Variants in TASP1 observed in about 807,000 individuals in gnomAD.
TASP1 encodes taspase 1, also known as threonine aspartase 1.
TASP1 carries 16 observed loss-of-function variants against 56.6 expected under a neutral mutation model. That is an observed-to-expected ratio of 0.28 (90% CI 0.19 to 0.43). The LOEUF is 0.43. Ranked by LOEUF, TASP1 falls within the 20% of genes least tolerant of loss-of-function variation. TASP1 has a pLI of 1.00. For missense variants in TASP1, 393 were observed against 511.6 expected (o/e 0.77, Z 2.24); for synonymous variants, 179 against 184.2 (o/e 0.97, Z 0.23).
At chr20:13,226,603 A>G in the TASP1 span, among the ~76,000 whole-genome samples, 1 of 152,168 alleles carries the variant, frequency 6.6e-6, no homozygotes, top group African/African-American at 2.4e-5. Flanking sequence ...AGCTGTGGCC[A>G]TCTGTTGGCT....
At chr20:13,259,915 C>T in the TASP1 span, among the ~76,000 whole-genome samples, 7 of 152,212 alleles carry the variant, frequency 4.6e-5, no homozygotes, top group Non-Finnish European at 8.8e-5. Context: ...AAGCCATGTG[C>T]TATTGGCACT....
At chr20:13,314,315 TA>T in the TASP1 span, among the ~76,000 whole-genome samples, 1 of 151,664 alleles carries the variant, frequency 6.6e-6, no homozygotes, top group African/African-American at 2.4e-5. Flanking sequence ...GAAAAACCCC[TA>T]CACCTAGGCA....
chr20:13,484,205 G>T (rs2043240663), intron 10 of TASP1, among the ~76,000 whole-genome samples: 1 of 152,188 alleles, frequency 6.6e-6, no homozygotes, highest in Admixed American at 6.5e-5. Flanking sequence ...GTACACTGTT[G>T]GTGGGAGTGT....
intron 10 of TASP1, among the ~76,000 whole-genome samples, chr20:13,516,384 C>T (rs533623666): frequency 1.3e-5 from 2 of 152,278 alleles, no homozygotes; most frequent in South Asian, 2.1e-4. Flanking sequence ...TCGCTCCACA[C>T]TGAAAAACAC....
intron 12 of TASP1, among the ~76,000 whole-genome samples, chr20:13,433,520 C>CAAAAAAAAAAAAAAAA (rs74746255): frequency 2.1e-4 from 19 of 89,192 alleles, no homozygotes; most frequent in African/African-American, 7.2e-4. Context: ...GACAGTATGG[C>CAAAAAAAAAAAAAAAA]AAAAAAAAAA....
At chr20:13,520,896 G>C (rs1298267804) in intron 10 of TASP1, among the ~76,000 whole-genome samples, 2 of 152,036 alleles carry the variant, frequency 1.3e-5, no homozygotes, top group Non-Finnish European at 2.9e-5. Context: ...CTAATATCCA[G>C]AATCTACAAT....
At chr20:13,594,377 TGAG>T (rs1263381401) in intron 4 of TASP1, among the ~76,000 whole-genome samples, 1 of 152,154 alleles carries the variant, frequency 6.6e-6, no homozygotes, top group Non-Finnish European at 1.5e-5. Context: ...AGAATGACTT[TGAG>T]GAGATGACAG....
In TASP1 at chr20:13,589,998, G is replaced by A. The variant is rs536561429; in HGVS notation, c.283-2628C>T. On this transcript the variant is annotated intron_variant, in intron 4 of 13. Coordinates refer to ENST00000337743, the MANE Select transcript of TASP1 (RefSeq NM_017714.3). ...TGTAATCCCAGCACTTTGGGAGGCC[G>A]AGGCAGGCAGATCACTTGAGGCCAG... 2.6e-5 allele frequency among the ~76,000 whole-genome samples: 4 copies of A among 151,976 alleles called. No individual in the cohort carries two copies. In the East Asian group the frequency reaches 5.8e-4, roughly 22 times the overall value.
chr20:13,131,551 C>A, the TASP1 span, among the ~76,000 whole-genome samples: 1 of 152,168 alleles, frequency 6.6e-6, no homozygotes, highest in Non-Finnish European at 1.5e-5. Context: ...TTTCCAATAG[C>A]TTTACCCACC....
At chr20:13,212,265 A>G in the TASP1 span, among the ~76,000 whole-genome samples, 1 of 152,158 alleles carries the variant, frequency 6.6e-6, no homozygotes, top group East Asian at 1.9e-4. Context: ...GTTCTACAAA[A>G]TGTACAGCCA....
chr20:13,182,329 A>G, the TASP1 span, among the ~76,000 whole-genome samples: 1 of 152,290 alleles, frequency 6.6e-6, no homozygotes, highest in African/African-American at 2.4e-5. Context: ...TAATTAATGC[A>G]TTGCATTTCA....
chr20:13,531,436 A>G (rs1479403329), intron 9 of TASP1, among the ~76,000 whole-genome samples: 1 of 151,952 alleles, frequency 6.6e-6, no homozygotes, highest in Non-Finnish European at 1.5e-5. Flanking sequence ...AAATTATTAC[A>G]GTAAGCTAAA....
chr20:13,532,691 G>C (rs750857030), intron 9 of TASP1, among the ~76,000 whole-genome samples: 10 of 152,092 alleles, frequency 6.6e-5, no homozygotes, highest in Non-Finnish European at 1.5e-4. Flanking sequence ...ACATAGTCCA[G>C]AACTATCCTT....
intron 11 of TASP1, among the ~76,000 whole-genome samples, chr20:13,440,098 A>G (rs952209355): frequency 6.6e-6 from 1 of 152,194 alleles, no homozygotes; most frequent in African/African-American, 2.4e-5. Context: ...ATTTCTCAAC[A>G]ACAGCAACAC....
chr20:13,422,679 T>G (rs904101704), intron 12 of TASP1, among the ~76,000 whole-genome samples: 13 of 152,178 alleles, frequency 8.5e-5, no homozygotes, highest in African/African-American at 3.1e-4. Context: ...CTTGGCGCAA[T>G]TTTAAATGGC....
At chr20:13,134,460 T>C in the TASP1 span, among the ~76,000 whole-genome samples, 1 of 152,206 alleles carries the variant, frequency 6.6e-6, no homozygotes, top group African/African-American at 2.4e-5. Context: ...TCATTTCATA[T>C]TTCATGATGA....
At chr20:13,378,907 T>A in the TASP1 span, among the ~76,000 whole-genome samples, 1 of 152,174 alleles carries the variant, frequency 6.6e-6, no homozygotes, top group African/African-American at 2.4e-5. Context: ...CCTGCTTTAT[T>A]TTTGCTTTCA....
the TASP1 span, among the ~76,000 whole-genome samples, chr20:13,221,527 C>T: frequency 6.9e-6 from 1 of 144,348 alleles, no homozygotes; most frequent in African/African-American, 2.5e-5. Flanking sequence ...TGGACACCCC[C>T]GGCCTCGCGG....
At chr20:13,221,963 T>TG in the TASP1 span, 1 of 1,300,722 alleles carries the variant, frequency 7.7e-7, no homozygotes, top group Non-Finnish European at 9.7e-7. Context: ...GGACGGTTTG[T>TG]GGGGCGGGGG....
Sources: allele counts gnomAD v4.1 joint callset (sites outside exome capture counted in the v4.1 genomes callset), GRCh38; gene constraint gnomAD v4.1.1; transcripts MANE v1.5; gene names NCBI Gene and HGNC (gene_info 2026-07-23, HGNC 2026-07-21).